Variants in NKD2 observed in about 807,000 individuals in gnomAD.
NKD2 encodes NKD inhibitor of Wnt signaling pathway 2, also known as protein naked cuticle homolog 2.
A neutral mutation model predicts 34.8 loss-of-function variants in NKD2; 43 were observed. The observed-to-expected ratio is 1.24, with a 90% CI of 0.97 to 1.60. NKD2 has a LOEUF of 1.60. NKD2 is among the 40% of genes most tolerant of loss of function. The pLI is 0.00. For synonymous variants in NKD2, 278 were observed against 265.1 expected (o/e 1.05, Z -0.47); for missense variants, 675 against 627.1 (o/e 1.08, Z -0.82).
chr5:1,017,950 A>C (rs932253789), intron 3 of NKD2, among the ~76,000 whole-genome samples: 6 of 151,972 alleles, frequency 3.9e-5, no homozygotes, highest in African/African-American at 1.5e-4. Context: ...CAGGCCAGGC[A>C]GGGGCGGGGG....
intron 3 of NKD2, among the ~76,000 whole-genome samples, chr5:1,021,946 A>G (rs1756207796): frequency 6.6e-6 from 1 of 152,088 alleles, no homozygotes. Context: ...CCCCTCCCCC[A>G]GGGCCGCCTG....
intron 3 of NKD2, among the ~76,000 whole-genome samples, chr5:1,020,814 C>T (rs1452712312): frequency 6.6e-6 from 1 of 152,020 alleles, no homozygotes; most frequent in Non-Finnish European, 1.5e-5. Flanking sequence ...GCCCCTTTAC[C>T]CCTTGGTGTG....
chr5:1,026,823 G>A (rs187705626), intron 3 of NKD2, among the ~76,000 whole-genome samples: 6 of 152,374 alleles, frequency 3.9e-5, no homozygotes, highest in Non-Finnish European at 7.4e-5. Context: ...CTGCCCAGCC[G>A]CATCCCAGGT....
At chr5:1,030,512 C>G (rs1159454180) in intron 3 of NKD2, among the ~76,000 whole-genome samples, 2 of 152,106 alleles carry the variant, frequency 1.3e-5, no homozygotes, top group Non-Finnish European at 2.9e-5. Flanking sequence ...CATGGAAGCC[C>G]ACGACTGCAG....
At chr5:1,032,850 G>A (rs562321802) in intron 4 of NKD2, among the ~76,000 whole-genome samples, 1 of 152,230 alleles carries the variant, frequency 6.6e-6, no homozygotes, top group Non-Finnish European at 1.5e-5. Context: ...TGGGGACGCA[G>A]CTTGCAAGTG....
intron 4 of NKD2, 130 bp downstream of exon 4, chr5:1,032,342 T>C (rs111632409): frequency 3.8e-4 from 276 of 729,148 alleles, no homozygotes; most frequent in Non-Finnish European, 6.6e-5. Flanking sequence ...TTAGACGCAC[T>C]TTGTTCTTAA....
At chr5:1,013,819 G>C (rs528973715) in intron 3 of NKD2, among the ~76,000 whole-genome samples, 1 of 152,172 alleles carries the variant, frequency 6.6e-6, no homozygotes, top group East Asian at 1.9e-4. Context: ...CTGCCCGCTC[G>C]GGTCACTGTA....
At chr5:1,021,298 C>T (rs1352729990) in intron 3 of NKD2, among the ~76,000 whole-genome samples, 1 of 151,442 alleles carries the variant, frequency 6.6e-6, no homozygotes, top group Non-Finnish European at 1.5e-5. Flanking sequence ...CCCGGCTCCC[C>T]TGCCCGGTCC....
In NKD2 at chr5:1,038,705, A is replaced by T; in HGVS notation, c.*332A>T. 1.7e-6 allele frequency: 1 copy of T among 571,624 alleles called. No homozygotes were observed. The highest frequency in any genetic ancestry group is 2.0e-5 in the South Asian group (1 of 50,642). The allele number at this position is 571,624 out of a possible 1,614,324, so 35.4% of individuals were successfully genotyped here. ...AAATGAGGCCCTGGAGTGCGCAAGG[A>T]GTGCCCGGATGCTTGGGGTGGGTGT... On this transcript the variant is annotated 3_prime_UTR_variant, in exon 10 of 10. Transcript: ENST00000296849. The surrounding 1 kb of genome is among the most constrained non-coding windows in gnomAD (Gnocchi z 4.5).
At chr5:1,032,628 G>C (rs1228143686) in intron 4 of NKD2, among the ~76,000 whole-genome samples, 1 of 152,254 alleles carries the variant, frequency 6.6e-6, no homozygotes, top group Non-Finnish European at 1.5e-5. Flanking sequence ...TCCTACCTGT[G>C]GCGCGTGGCA....
chr5:1,016,890 A>C (rs1243204257), intron 3 of NKD2, among the ~76,000 whole-genome samples: 1 of 151,938 alleles, frequency 6.6e-6, no homozygotes, highest in Non-Finnish European at 1.5e-5. Context: ...AGCCGACCCC[A>C]TCCTCCTTTC....
intron 3 of NKD2, among the ~76,000 whole-genome samples, chr5:1,015,751 A>G (rs1033912386): frequency 6.6e-6 from 1 of 152,156 alleles, no homozygotes; most frequent in Admixed American, 6.5e-5. Flanking sequence ...CGGCCTGTCC[A>G]TGTGTGGAAC....
At chr5:1,037,768 C>T in intron 9 of NKD2, 37 bp from the exon 10 acceptor site, 5 of 1,563,190 alleles carry the variant, frequency 3.2e-6, no homozygotes, top group Non-Finnish European at 3.5e-6. Flanking sequence ...CCTGAGCCTG[C>T]ACTCCCAGGG....
Position 1,038,539 on chromosome 5 carries a change from C to A in NKD2, c.*166C>A. On this transcript the variant is annotated 3_prime_UTR_variant, in exon 10 of 10. Coordinates refer to ENST00000296849, the MANE Select transcript of NKD2 (RefSeq NM_033120.4). This position sits in a 1 kb window ranked among gnomAD's most constrained non-coding sequence, Gnocchi z 4.5. ...AGGTGCTGGCATGATGGAGGTGGTG[C>A]ACCTTGGACACGTGGACAAGGCCCA... 7.1e-7 allele frequency: 1 copy of A among 1,405,524 alleles called. No individual in the cohort carries two copies. Among genetic ancestry groups the A allele is most frequent in the Non-Finnish European group, 9.7e-7 (1 of 1,030,244 alleles). The allele number at this position is 1,405,524 out of a possible 1,614,324, so 87.1% of individuals were successfully genotyped here. A position where few individuals can be genotyped will look rare whatever the true frequency, so the allele number is the denominator to read the frequency against.
Position 1,009,780 on chromosome 5 carries a change from G to A in NKD2, c.141+220G>A, listed in dbSNP as rs1159211429. Among the ~76,000 whole-genome samples the A allele has an allele frequency of 6.7e-6, 1 of 150,102 alleles. No homozygotes were observed. Among genetic ancestry groups the A allele is most frequent in the Non-Finnish European group, 1.5e-5 (1 of 66,616 alleles). Reference sequence around the variant, plus strand: ...TTGCTAGTGTCCCATGCTGAGTGGCGGGTAGGGGAATCGGAATTCCTTGTC... The same window carrying A: ...TTGCTAGTGTCCCATGCTGAGTGGCAGGTAGGGGAATCGGAATTCCTTGTC... On this transcript the variant is annotated intron_variant, in intron 3 of 9. Coordinates refer to ENST00000296849, the MANE Select transcript of NKD2 (RefSeq NM_033120.4). This position sits in a 1 kb window ranked among gnomAD's most constrained non-coding sequence, Gnocchi z 6.9.
chr5:1,030,678 T>A (rs1297748496), intron 3 of NKD2, among the ~76,000 whole-genome samples: 1 of 152,218 alleles, frequency 6.6e-6, no homozygotes, highest in African/African-American at 2.4e-5. Flanking sequence ...CTCGCCGGGC[T>A]GGGCTCATGG....
rs1755628780 is a variant in NKD2 at position 1,008,855 on chromosome 5, G to T, written c.-203G>T. 2.9e-6 allele frequency: 1 copy of T among 340,282 alleles called. No homozygotes were observed. Among genetic ancestry groups the T allele is most frequent in the Non-Finnish European group, 5.3e-6 (1 of 189,534 alleles). The allele number at this position is 340,282 out of a possible 1,614,324, so 21.1% of individuals were successfully genotyped here. A position where few individuals can be genotyped will look rare whatever the true frequency, so the allele number is the denominator to read the frequency against. ...CCGCTGTCCCCGCGCCCTGCGCCCG[G>T]TGGCCCCCCACCTCCGCCCCGCGGC... On this transcript the variant is annotated 5_prime_UTR_variant, in exon 1 of 10. Coordinates refer to ENST00000296849, the MANE Select transcript of NKD2 (RefSeq NM_033120.4).
intron 3 of NKD2, among the ~76,000 whole-genome samples, chr5:1,025,870 G>C (rs549134925): frequency 1.1e-4 from 12 of 106,014 alleles, no homozygotes; most frequent in African/African-American, 4.4e-4. Flanking sequence ...CACCCGCTGT[G>C]GGCGTCCCAG....
intron 3 of NKD2, among the ~76,000 whole-genome samples, chr5:1,018,218 G>A (rs191853963): frequency 6.6e-6 from 1 of 152,296 alleles, no homozygotes; most frequent in African/African-American, 2.4e-5. Flanking sequence ...TGCTGTGGGA[G>A]GCCAGACCTG....
Sources: allele counts gnomAD v4.1 joint callset (sites outside exome capture counted in the v4.1 genomes callset), GRCh38; gene constraint gnomAD v4.1.1; non-coding constraint Gnocchi (gnomAD v3.1); transcripts MANE v1.5; gene names NCBI Gene and HGNC (gene_info 2026-07-23, HGNC 2026-07-21).